DUSP16: variants seen among roughly 807,000 people sequenced by gnomAD.
The protein encoded by DUSP16 is dual specificity protein phosphatase 16.
Under a neutral mutation model 58.3 loss-of-function variants are expected in DUSP16, and 21 were observed. The observed-to-expected ratio is 0.36, with a 90% CI of 0.26 to 0.52. The LOEUF is 0.52. DUSP16 is among the 20% of genes least tolerant of loss of function. DUSP16 has a pLI of 0.94. For missense variants in DUSP16, 726 were observed against 819.0 expected, an observed-to-expected ratio of 0.89 and a Z score of 1.39; for synonymous variants, 320 against 323.8, an observed-to-expected ratio of 0.99 and a Z score of 0.12.
At position 12,525,767 on chromosome 12, in the gene DUSP16, T is replaced by C. The variant is rs138810259; in HGVS notation, c.-365-4304A>G. ...ACACACACACACACACACACAATTTTCCCCCCTAGAATTACATACTAGAGT... is the reference window on the plus strand; with the variant it reads ...ACACACACACACACACACACAATTTCCCCCCCTAGAATTACATACTAGAGT... On this transcript the variant is annotated intron_variant, in intron 1 of 6. Coordinates refer to ENST00000298573, the MANE Select transcript of DUSP16 (RefSeq NM_030640.3). Among the ~76,000 whole-genome samples, 1,303 of 135,504 alleles carry C rather than the reference T, an allele frequency of 9.6e-3. 11 individuals carry two copies. The highest frequency in any genetic ancestry group is 0.028 in the South Asian group (123 of 4,396). 88.9% of individuals were successfully genotyped at this position (135,504 alleles called of 152,430 possible). A position where few individuals can be genotyped will look rare whatever the true frequency, so the allele number is the denominator to read the frequency against.
At chr12:12,539,152 G>C (rs1944512759) in intron 1 of DUSP16, among the ~76,000 whole-genome samples, 1 of 152,194 alleles carries the variant, frequency 6.6e-6, no homozygotes, top group Non-Finnish European at 1.5e-5. Context: ...TTGGAAGGCA[G>C]TTTAAGAGAG....
intron 5 of DUSP16, chr12:12,485,464 A>C (rs796282592): frequency 4.6e-5 from 7 of 152,338 alleles, no homozygotes; most frequent in African/African-American, 9.6e-5. Flanking sequence ...ATTAAATAGA[A>C]TATTCCCCTC....
intron 6 of DUSP16, among the ~76,000 whole-genome samples, chr12:12,478,332 T>C (rs1441985005): frequency 2.0e-5 from 3 of 149,412 alleles, no homozygotes; most frequent in Non-Finnish European, 4.5e-5. Flanking sequence ...TTGTTGGTGG[T>C]GGTCTTTTTT....
rs563057130 is a variant in DUSP16, at chr12:12,503,519, C to A, written c.368-2837G>T. On this transcript the variant is annotated intron_variant, in intron 3 of 6. Transcript: ENST00000298573. ...GTTACGGTGATCAAACATTCAGTATCTAGCGCCATCTGTGGGGCCTTCCTC... is the reference window on the plus strand; with the variant it reads ...GTTACGGTGATCAAACATTCAGTATATAGCGCCATCTGTGGGGCCTTCCTC... Among the ~76,000 whole-genome samples, 4 of 152,254 alleles carry A rather than the reference C, an allele frequency of 2.6e-5. No homozygotes were observed. The South Asian group carries it at 6.2e-4, about 24-fold the overall frequency.
chr12:12,504,780 G>A (rs912695588), intron 3 of DUSP16, among the ~76,000 whole-genome samples: 1 of 151,918 alleles, frequency 6.6e-6, no homozygotes, highest in Non-Finnish European at 1.5e-5. Context: ...GAGAGGCTGA[G>A]GTGGGAGGAC....
intron 1 of DUSP16, among the ~76,000 whole-genome samples, chr12:12,525,811 T>C (rs1259418990): frequency 7.9e-5 from 12 of 151,570 alleles, no homozygotes; most frequent in Admixed American, 7.9e-4. Context: ...AGCTGACAAG[T>C]AACTCATAAT....
At chr12:12,551,201 A>G (rs1266880174) in intron 1 of DUSP16, among the ~76,000 whole-genome samples, 2 of 152,016 alleles carry the variant, frequency 1.3e-5, no homozygotes, top group Admixed American at 1.3e-4. Context: ...TGTCACTTTA[A>G]GAAAAACCGG....
chr12:12,559,475 A>C (rs1392412273), intron 1 of DUSP16, among the ~76,000 whole-genome samples: 2 of 152,248 alleles, frequency 1.3e-5, no homozygotes, highest in African/African-American at 4.8e-5. Flanking sequence ...TCTTCAAATT[A>C]AAGTACCTTT....
chr12:12,487,220 T>C (rs747942964), intron 4 of DUSP16, 33 bp from the exon 5 acceptor site: 5 of 1,603,366 alleles, frequency 3.1e-6, no homozygotes, highest in Non-Finnish European at 4.3e-6. Flanking sequence ...TTAAAGTGAC[T>C]AATAATATAG....
intron 1 of DUSP16, among the ~76,000 whole-genome samples, chr12:12,525,704 C>CT (rs752795009): frequency 1.2e-4 from 18 of 150,378 alleles, no homozygotes; most frequent in East Asian, 4.0e-4. Context: ...GAGACCCTAT[C>CT]TCTACAAAAA....
chr12:12,482,973 A>G lies in DUSP16; in HGVS notation c.692-2627T>C, dbSNP rs566661758. Reference sequence around the variant, plus strand: ...AGCAATCCTCCCGCCTCCGCTTCCCAAAGTGCTGTGATTGATTACACACGC... The same window carrying G: ...AGCAATCCTCCCGCCTCCGCTTCCCGAAGTGCTGTGATTGATTACACACGC... On this transcript the variant is annotated intron_variant, in intron 5 of 6. Coordinates refer to ENST00000298573, the MANE Select transcript of DUSP16 (RefSeq NM_030640.3). Among the ~76,000 whole-genome samples the G allele has an allele frequency of 1.5e-4, 23 of 152,254 alleles. No homozygotes were observed. The South Asian group carries it at 1.7e-3, about 11-fold the overall frequency.
chr12:12,496,099 C>A (rs1039949128), intron 4 of DUSP16, among the ~76,000 whole-genome samples: 2 of 152,216 alleles, frequency 1.3e-5, no homozygotes, highest in African/African-American at 2.4e-5. Flanking sequence ...AGCTGGCTCT[C>A]AACCATCATG....
chr12:12,531,776 C>T (rs1944389582), intron 1 of DUSP16, among the ~76,000 whole-genome samples: 1 of 152,186 alleles, frequency 6.6e-6, no homozygotes, highest in Non-Finnish European at 1.5e-5. Flanking sequence ...GAGGCTGAGG[C>T]AGGAGAATCG....
At chr12:12,500,871 AC>A (rs1943898306) in intron 3 of DUSP16, among the ~76,000 whole-genome samples, 189 bp from the exon 4 acceptor site, 1 of 152,218 alleles carries the variant, frequency 6.6e-6, no homozygotes, top group African/African-American at 2.4e-5. Context: ...CTATAACGCT[AC>A]CATGGGGATA....
intron 1 of DUSP16, among the ~76,000 whole-genome samples, chr12:12,560,528 T>C (rs1033810246): frequency 6.6e-6 from 1 of 152,118 alleles, no homozygotes; most frequent in Non-Finnish European, 1.5e-5. Context: ...ACTCAGTAAA[T>C]TCCACAATTT....
chr12:12,552,229 T>G (rs1406751157), intron 1 of DUSP16, among the ~76,000 whole-genome samples: 1 of 151,968 alleles, frequency 6.6e-6, no homozygotes, highest in Non-Finnish European at 1.5e-5. Flanking sequence ...GCGGATCACT[T>G]GGGGTCGGGA....
intron 4 of DUSP16, among the ~76,000 whole-genome samples, chr12:12,498,291 T>C (rs1403833050): frequency 3.3e-5 from 5 of 152,194 alleles, no homozygotes; most frequent in Admixed American, 1.3e-4. Flanking sequence ...TCCTCACTTA[T>C]CAAATGCTGG....
At chr12:12,540,618 TG>T (rs1194765589) in intron 1 of DUSP16, among the ~76,000 whole-genome samples, 3 of 151,788 alleles carry the variant, frequency 2.0e-5, no homozygotes, top group Non-Finnish European at 4.4e-5. Flanking sequence ...ATAGCAAGAG[TG>T]GGAGAGAAAA....
intron 1 of DUSP16, among the ~76,000 whole-genome samples, chr12:12,526,147 A>G (rs1458342148): frequency 6.6e-6 from 1 of 152,242 alleles, no homozygotes; most frequent in East Asian, 1.9e-4. Context: ...GTATAACAAA[A>G]TGACTACAGA....
Sources: allele counts gnomAD v4.1 joint callset (sites outside exome capture counted in the v4.1 genomes callset), GRCh38; gene constraint gnomAD v4.1.1; transcripts MANE v1.5; gene names NCBI Gene and HGNC (gene_info 2026-07-23, HGNC 2026-07-21).